Variants in ZNHIT6 observed in about 807,000 individuals in gnomAD.
ZNHIT6 encodes the protein zinc finger HIT-type containing 6.
In ZNHIT6, 45 loss-of-function variants were observed where a neutral mutation model predicts 57.2. The ratio of observed to expected loss-of-function variants is 0.79; its 90% confidence interval spans 0.62 to 1.01. The LOEUF (loss-of-function observed/expected upper bound fraction) is 1.01. Ranked by LOEUF, ZNHIT6 falls within the 50% of genes least tolerant of loss-of-function variation. The pLI is 0.00. For missense variants in ZNHIT6, 528 were observed against 567.3 expected (o/e 0.93, Z 0.70); for synonymous variants, 188 against 190.0 (o/e 0.99, Z 0.09).
chr1:85,703,137 T>C (rs1445079738), intron 4 of ZNHIT6, among the ~76,000 whole-genome samples: 1 of 152,150 alleles, frequency 6.6e-6, no homozygotes, highest in Non-Finnish European at 1.5e-5. Flanking sequence ...ATTATAATAA[T>C]TCTAATAGCA....
chr1:85,682,014 A>T (rs1661889823), intron 5 of ZNHIT6, among the ~76,000 whole-genome samples: 1 of 94,790 alleles, frequency 1.1e-5, no homozygotes, highest in Non-Finnish European at 2.1e-5. Context: ...GATTTTGTTC[A>T]TCTTTTTTTT....
At chr1:85,696,227 T>C (rs533323773) in intron 5 of ZNHIT6, among the ~76,000 whole-genome samples, 211 of 151,832 alleles carry the variant, frequency 1.4e-3, no homozygotes, top group African/African-American at 4.7e-3. Flanking sequence ...CAGGCTGGAA[T>C]GTAACGGTGC....
intron 8 of ZNHIT6, among the ~76,000 whole-genome samples, chr1:85,667,046 T>C (rs577785086): frequency 2.4e-4 from 37 of 152,268 alleles, no homozygotes; most frequent in African/African-American, 8.7e-4. Flanking sequence ...CAAAGAACTG[T>C]GGTTGGGTTT....
At chr1:85,655,540 T>G (rs821403) in intron 9 of ZNHIT6, among the ~76,000 whole-genome samples, 129,397 of 152,182 alleles carry the variant, frequency 0.85, 55,347 homozygotes, top group East Asian at 0.95. Context: ...ATAAAGATTT[T>G]TAGCAGTATG....
In ZNHIT6 at chr1:85,653,939, C is replaced by T; in HGVS notation, c.*119G>A. 1.4e-6 allele frequency: 1 copy of T among 734,816 alleles called. No homozygotes were observed. The highest frequency in any genetic ancestry group is 1.9e-5 in the South Asian group (1 of 53,538). 45.5% of individuals were successfully genotyped at this position (734,816 alleles called of 1,614,324 possible). On this transcript the variant is annotated 3_prime_UTR_variant, in exon 10 of 10. Transcript: ENST00000370574. ...TTTTAAAAGAGTTAAGCTTATTTTT[C>T]ATACAAAGAAAAAATTCCAATCACC...
chr1:85,702,249 C>T lies in ZNHIT6; in HGVS notation c.927G>A (p.Met309Ile), dbSNP rs1662557596. Residue 309 changes from methionine to isoleucine, a missense_variant, in exon 5 of 10, where the codon ATG (methionine) becomes ATA (isoleucine). Met to Ile is a conservative substitution (Grantham distance 10). Coordinates refer to ENST00000370574, the MANE Select transcript of ZNHIT6 (RefSeq NM_017953.4). ...RPISNKYMYF[M>I]KNRARRQGIN... ...TACCTTGCCTCCGGGCACGATTTTT[C>T]ATAAAGTACATCTAACAACAAAAAC... The T allele has an allele frequency of 1.3e-6, 2 of 1,596,404 alleles. No individual in the cohort carries two copies. Among genetic ancestry groups the T allele is most frequent in the African/African-American group, 2.7e-5 (2 of 74,046 alleles).
chr1:85,699,431 T>C (rs1462656080), intron 5 of ZNHIT6, among the ~76,000 whole-genome samples: 3 of 152,136 alleles, frequency 2.0e-5, no homozygotes, highest in African/African-American at 7.2e-5. Flanking sequence ...TCTGTATTTA[T>C]GTAAATCAGT....
At chr1:85,671,410 G>C (rs894341748) in intron 8 of ZNHIT6, among the ~76,000 whole-genome samples, 1 of 152,112 alleles carries the variant, frequency 6.6e-6, no homozygotes, top group African/African-American at 2.4e-5. Flanking sequence ...GGCTATGCTT[G>C]TGCTACTGCA....
intron 9 of ZNHIT6, among the ~76,000 whole-genome samples, chr1:85,655,350 G>T (rs1042039036): frequency 2.6e-5 from 4 of 152,140 alleles, no homozygotes; most frequent in African/African-American, 7.2e-5. Flanking sequence ...GAGGGAGAAT[G>T]GATGAAAGAT....
intron 9 of ZNHIT6, among the ~76,000 whole-genome samples, chr1:85,655,964 C>T (rs1001357376): frequency 3.3e-5 from 5 of 152,106 alleles, no homozygotes; most frequent in African/African-American, 1.2e-4. Flanking sequence ...ACATGTACCC[C>T]CAAATTAGGA....
At chr1:85,674,376 C>T (rs1008987762) in intron 8 of ZNHIT6, among the ~76,000 whole-genome samples, 115 of 152,196 alleles carry the variant, frequency 7.6e-4, no homozygotes, top group Non-Finnish European at 7.6e-4. Context: ...CTCAAGCAAT[C>T]TGCCTGCCTC....
At chr1:85,688,315 C>G (rs1662122676) in intron 5 of ZNHIT6, among the ~76,000 whole-genome samples, 1 of 152,146 alleles carries the variant, frequency 6.6e-6, no homozygotes, top group Admixed American at 6.6e-5. Context: ...AGTAGCAGAG[C>G]TGCTGGGATT....
At chr1:85,659,351 T>C (rs1402291674) in intron 8 of ZNHIT6, among the ~76,000 whole-genome samples, 1 of 152,228 alleles carries the variant, frequency 6.6e-6, no homozygotes, top group Non-Finnish European at 1.5e-5. Flanking sequence ...GTTGGCATGT[T>C]AATGTCATTT....
At position 85,651,839 on chromosome 1, in the gene ZNHIT6, TCA is replaced by T. The variant is rs1162475947; in HGVS notation, c.*2217_*2218del. 1 of 152,182 alleles carries T rather than the reference TCA, an allele frequency of 6.6e-6. No homozygotes were observed. The highest frequency in any genetic ancestry group is 1.5e-5 in the Non-Finnish European group (1 of 68,028). 9.4% of individuals were successfully genotyped at this position (152,182 alleles called of 1,614,324 possible). On this transcript the variant is annotated 3_prime_UTR_variant, in exon 10 of 10. Transcript: ENST00000370574. ...TCAATGCTACAAACATCTAGGGTTT[TCA>T]GTTAGTTATTCCAATTTCATTCTCT...
At position 85,649,831 on chromosome 1, in the gene ZNHIT6, T is replaced by C. The variant is rs1246438564; in HGVS notation, c.*4227A>G. 2.0e-5 allele frequency: 3 copies of C among 151,526 alleles called. No homozygotes were observed. The highest frequency in any genetic ancestry group is 3.4e-3 in the Middle Eastern group (1 of 292). The allele number at this position is 151,526 out of a possible 1,614,324, so 9.4% of individuals were successfully genotyped here. ...GCATCTGCTCAAACTAGCAACAACA[T>C]GATGTCAAATAAAAATGGATGGCAT... On this transcript the variant is annotated 3_prime_UTR_variant, in exon 10 of 10. Coordinates refer to ENST00000370574, the MANE Select transcript of ZNHIT6 (RefSeq NM_017953.4).
At chr1:85,673,604 A>G (rs1661624603) in intron 8 of ZNHIT6, among the ~76,000 whole-genome samples, 1 of 152,238 alleles carries the variant, frequency 6.6e-6, no homozygotes. Context: ...TTAAACAGCC[A>G]CAAAGAAACT....
At chr1:85,696,946 C>T (rs1304757730) in intron 5 of ZNHIT6, among the ~76,000 whole-genome samples, 12 of 150,798 alleles carry the variant, frequency 8.0e-5, no homozygotes, top group African/African-American at 2.9e-4. Context: ...CTGCAAGCTC[C>T]GCCTCCCAGG....
chr1:85,677,567 A>G (rs1443825716), intron 7 of ZNHIT6, among the ~76,000 whole-genome samples: 1 of 152,228 alleles, frequency 6.6e-6, no homozygotes, highest in Non-Finnish European at 1.5e-5. Flanking sequence ...ACAAAAATGT[A>G]TCCTATTCAG....
At chr1:85,706,552 T>C (rs745343998) in intron 1 of ZNHIT6, 45 bp from the exon 2 acceptor site, 1 of 1,437,984 alleles carries the variant, frequency 7.0e-7, no homozygotes, top group Non-Finnish European at 9.2e-7. Flanking sequence ...ATATTAATTG[T>C]ATTTATTTAT....
Sources: gnomAD v4.1 joint callset for allele counts (sites outside exome capture counted in the v4.1 genomes callset) on GRCh38, gnomAD v4.1.1 for gene constraint, MANE v1.5 for transcripts, NCBI Gene and HGNC (gene_info 2026-07-23, HGNC 2026-07-21) for gene names.